SLC44A5: variants seen among roughly 807,000 people sequenced by gnomAD.
SLC44A5 encodes the protein solute carrier family 44 member 5.
A neutral mutation model predicts 101.8 loss-of-function variants in SLC44A5; 57 were observed. The ratio of observed to expected loss-of-function variants is 0.56; its 90% CI spans 0.45 to 0.70. SLC44A5 has a LOEUF of 0.70. Among genes scored for constraint, SLC44A5 ranks in the 30% least tolerant of loss-of-function variants. The pLI is 0.00. For synonymous variants in SLC44A5, 281 were observed against 290.9 expected (o/e 0.97, Z 0.35); for missense variants, 737 against 853.1 (o/e 0.86, Z 1.70).
At chr1:75,557,689 C>T (rs780258359) in intron 1 of SLC44A5, among the ~76,000 whole-genome samples, 8 of 152,090 alleles carry the variant, frequency 5.3e-5, no homozygotes, top group Non-Finnish European at 1.0e-4. Flanking sequence ...GTCATTTCCA[C>T]TATGAGATTA....
At chr1:75,712,080 G>A in the SLC44A5 span, among the ~76,000 whole-genome samples, 6 of 152,158 alleles carry the variant, frequency 3.9e-5, no homozygotes, top group Non-Finnish European at 7.3e-5. Context: ...CATTCTCTTT[G>A]TCTTTCTATT....
At chr1:75,418,839 TCTAA>T (rs1181301550) in intron 2 of SLC44A5, among the ~76,000 whole-genome samples, 3 of 152,156 alleles carry the variant, frequency 2.0e-5, no homozygotes, top group African/African-American at 2.4e-5. Context: ...AACTTCTGCT[TCTAA>T]CTGTGAAGAA....
At chr1:75,547,967 G>C (rs1027336965) in intron 1 of SLC44A5, among the ~76,000 whole-genome samples, 2 of 152,126 alleles carry the variant, frequency 1.3e-5, no homozygotes, top group African/African-American at 2.4e-5. Context: ...TTTAGGGATG[G>C]GCTAAATGGC....
At chr1:75,569,799 T>C (rs980556144) in intron 1 of SLC44A5, among the ~76,000 whole-genome samples, 3 of 152,214 alleles carry the variant, frequency 2.0e-5, no homozygotes, top group Non-Finnish European at 4.4e-5. Context: ...TAACCCATGG[T>C]ATCTCCATTT....
intron 2 of SLC44A5, among the ~76,000 whole-genome samples, chr1:75,465,109 A>G (rs1052924981): frequency 5.3e-5 from 8 of 152,174 alleles, no homozygotes; most frequent in Non-Finnish European, 1.0e-4. Context: ...CAGCACATGG[A>G]TCATTCTCAA....
chr1:75,420,758 C>T (rs1663953339), intron 2 of SLC44A5, among the ~76,000 whole-genome samples: 1 of 151,994 alleles, frequency 6.6e-6, no homozygotes, highest in South Asian at 2.1e-4. Context: ...TACGATAACT[C>T]AATAATTGTA....
chr1:75,457,786 G>A (rs962078581), intron 2 of SLC44A5, among the ~76,000 whole-genome samples: 6 of 152,112 alleles, frequency 3.9e-5, no homozygotes, highest in African/African-American at 1.4e-4. Context: ...GAACCCGCGA[G>A]GCGGAGGTTG....
chr1:75,600,487 G>T (rs1674909763), intron 1 of SLC44A5, among the ~76,000 whole-genome samples: 1 of 152,038 alleles, frequency 6.6e-6, no homozygotes, highest in Non-Finnish European at 1.5e-5. Context: ...TTTAACCTCT[G>T]TGAATTGTCT....
At chr1:75,632,235 T>G in the SLC44A5 span, among the ~76,000 whole-genome samples, 1 of 152,224 alleles carries the variant, frequency 6.6e-6, no homozygotes, top group Non-Finnish European at 1.5e-5. Context: ...GCCTCTTCAG[T>G]ACAGACTTGA....
At chr1:75,218,044 A>C (rs1646999328) in intron 17 of SLC44A5, 84 bp from the exon 18 acceptor site, 5 of 881,174 alleles carry the variant, frequency 5.7e-6, no homozygotes, top group African/African-American at 1.7e-5. Flanking sequence ...CACAAGTAAA[A>C]GGTATCTGCA....
chr1:75,703,115 A>T, the SLC44A5 span, among the ~76,000 whole-genome samples: 1 of 150,774 alleles, frequency 6.6e-6, no homozygotes. Flanking sequence ...TTCCTCAGGG[A>T]TCTAGAACTA....
intron 1 of SLC44A5, among the ~76,000 whole-genome samples, chr1:75,604,139 G>T (rs1045485215): frequency 1.3e-5 from 2 of 152,052 alleles, no homozygotes; most frequent in African/African-American, 4.8e-5. Flanking sequence ...GATTCTTATA[G>T]TTTGAAGTCT....
At chr1:75,517,455 A>G (rs955536344) in intron 2 of SLC44A5, among the ~76,000 whole-genome samples, 11 of 152,198 alleles carry the variant, frequency 7.2e-5, no homozygotes, top group Admixed American at 5.2e-4. Flanking sequence ...ATGACCTAAA[A>G]AAAAGGAGTG....
intron 2 of SLC44A5, among the ~76,000 whole-genome samples, chr1:75,462,700 A>G (rs1666571559): frequency 6.6e-6 from 1 of 152,136 alleles, no homozygotes; most frequent in South Asian, 2.1e-4. Flanking sequence ...AATAATTAAA[A>G]AGAATCAAGC....
the SLC44A5 span, among the ~76,000 whole-genome samples, chr1:75,633,068 C>T: frequency 6.6e-6 from 1 of 152,116 alleles, no homozygotes; most frequent in African/African-American, 2.4e-5. Flanking sequence ...ATCTTTAAAT[C>T]CCTAGTATTC....
At chr1:75,317,271 A>C (rs1235102820) in intron 4 of SLC44A5, among the ~76,000 whole-genome samples, 2 of 152,204 alleles carry the variant, frequency 1.3e-5, no homozygotes, top group Non-Finnish European at 2.9e-5. Flanking sequence ...CCACAGCCGG[A>C]CTTAGACTTA....
rs148811681 is a variant in SLC44A5 at position 75,206,325 on chromosome 1, G to A, written c.2048-2492C>T. The A allele has an allele frequency of 7.9e-4, 224 of 281,812 alleles. 2 individuals are homozygous for A. The East Asian group carries it at 0.014, about 17-fold the overall frequency. 17.5% of individuals were successfully genotyped at this position (281,812 alleles called of 1,614,324 possible). ...AGAAAGGCTATTAAAGTGCTGCAAT[G>A]GAAACAGCACGCTGAGTTATAAAAG... On this transcript the variant is annotated intron_variant, in intron 23 of 23. Coordinates refer to ENST00000370859, the MANE Select transcript of SLC44A5 (RefSeq NM_001130058.2).
intron 3 of SLC44A5, chr1:75,357,278 T>C: frequency 2.2e-6 from 1 of 453,522 alleles, no homozygotes; most frequent in Non-Finnish European, 4.4e-6. Flanking sequence ...GCTCTTGAAC[T>C]TGGAGGCTCA....
At chr1:75,223,968 T>C (rs1275424556) in intron 13 of SLC44A5, among the ~76,000 whole-genome samples, 1 of 152,190 alleles carries the variant, frequency 6.6e-6, no homozygotes, top group Non-Finnish European at 1.5e-5. Flanking sequence ...CATTGCACCG[T>C]TAAAAAACCC....
Sources: allele counts gnomAD v4.1 joint callset (sites outside exome capture counted in the v4.1 genomes callset), GRCh38; gene constraint gnomAD v4.1.1; transcripts MANE v1.5; gene names NCBI Gene and HGNC (gene_info 2026-07-23, HGNC 2026-07-21).